The following IMMP2L variants were observed in gnomAD, a reference collection of about 807,000 sequenced individuals.
IMMP2L encodes inner mitochondrial membrane peptidase subunit 2.
A neutral mutation model predicts 19.3 loss-of-function variants in IMMP2L; 18 were observed. The ratio of observed to expected loss-of-function variants is 0.93; its 90% confidence interval spans 0.64 to 1.38. The LOEUF is 1.38. Ranked by LOEUF, IMMP2L falls within the 40% of genes most tolerant of loss-of-function variation. The pLI, the probability that IMMP2L is intolerant of heterozygous loss-of-function variation, is 0.00. For synonymous variants in IMMP2L, 76 were observed against 73.0 expected (o/e 1.04, Z -0.21); for missense variants, 233 against 218.2 (o/e 1.07, Z -0.43).
At chr7:110,994,523 T>A (rs1417326855) in intron 3 of IMMP2L, among the ~76,000 whole-genome samples, 2 of 152,140 alleles carry the variant, frequency 1.3e-5, no homozygotes, top group African/African-American at 4.8e-5. Flanking sequence ...CTCCGCTTCT[T>A]TCTCACTTTC....
At chr7:111,268,587 T>C (rs1409916286) in intron 3 of IMMP2L, among the ~76,000 whole-genome samples, 8 of 45,878 alleles carry the variant, frequency 1.7e-4, no homozygotes, top group African/African-American at 5.3e-4. Flanking sequence ...TTTTTTTTTT[T>C]TTTTTTTTTT....
intron 4 of IMMP2L, among the ~76,000 whole-genome samples, chr7:110,941,469 G>T (rs2129553037): frequency 6.6e-6 from 1 of 152,218 alleles, no homozygotes; most frequent in Admixed American, 6.5e-5. Flanking sequence ...CAGTTATTAA[G>T]TAACGGTTTG....
Position 110,748,863 on chromosome 7 carries a change from C to T in IMMP2L, c.409-85142G>A, listed in dbSNP as rs544927887. On this transcript the variant is annotated intron_variant, in intron 5 of 5. Transcript: ENST00000405709. Reference sequence around the variant, plus strand: ...GGCAAAGACTTCATGACTGAAACACCGAAAGCAATGACATCAAATGGCAAA... The same window carrying T: ...GGCAAAGACTTCATGACTGAAACACTGAAAGCAATGACATCAAATGGCAAA... 2.6e-5 allele frequency among the ~76,000 whole-genome samples: 4 copies of T among 152,220 alleles called. No individual in the cohort carries two copies. The East Asian group carries it at 5.8e-4, about 22-fold the overall frequency.
intron 3 of IMMP2L, among the ~76,000 whole-genome samples, chr7:111,237,135 T>A (rs574210089): frequency 6.6e-6 from 1 of 152,262 alleles, no homozygotes; most frequent in African/African-American, 2.4e-5. Flanking sequence ...GTTGATGGAA[T>A]AAATATTTCC....
In IMMP2L at chr7:110,877,489, A is replaced by C. The variant is rs1809196544; in HGVS notation, c.408+9104T>G. Among the ~76,000 whole-genome samples the C allele has an allele frequency of 6.6e-6, 1 of 152,144 alleles. No individual in the cohort carries two copies. Among genetic ancestry groups the C allele is most frequent in the South Asian group, 2.1e-4 (1 of 4,824 alleles). On this transcript the variant is annotated intron_variant, in intron 5 of 5. Coordinates refer to ENST00000405709, the MANE Select transcript of IMMP2L (RefSeq NM_032549.4). The surrounding 1 kb of genome is among the most constrained non-coding windows in gnomAD (Gnocchi z 4.0). ...GGCACAAGATAATGAAAGGGAGAAA[A>C]AAATGACAGCCTGTGCCAAAATACA...
chr7:110,693,462 T>C (rs1313279342), intron 5 of IMMP2L, among the ~76,000 whole-genome samples: 2 of 152,204 alleles, frequency 1.3e-5, no homozygotes, highest in Non-Finnish European at 2.9e-5. Flanking sequence ...CAATATAGAC[T>C]TATTCATTTG....
At chr7:111,182,660 G>C (rs919360501) in intron 3 of IMMP2L, among the ~76,000 whole-genome samples, 2 of 151,878 alleles carry the variant, frequency 1.3e-5, no homozygotes, top group African/African-American at 4.8e-5. Flanking sequence ...ACGTTTCTCA[G>C]AGAAAATACC....
At chr7:111,052,512 C>T (rs7804649) in intron 3 of IMMP2L, among the ~76,000 whole-genome samples, 116,500 of 152,166 alleles carry the variant, frequency 0.77, 47,560 homozygotes, top group Non-Finnish European at 0.9. Flanking sequence ...TGGAAGCTCC[C>T]CCTTCAATGT....
chr7:111,234,376 A>G (rs1008594994), intron 3 of IMMP2L, among the ~76,000 whole-genome samples: 2 of 152,082 alleles, frequency 1.3e-5, no homozygotes, highest in East Asian at 1.9e-4. Flanking sequence ...CTGTCCATCA[A>G]TTACTAAGAA....
chr7:111,332,172 C>T (rs1008069835), intron 3 of IMMP2L, among the ~76,000 whole-genome samples: 1 of 151,198 alleles, frequency 6.6e-6, no homozygotes, highest in African/African-American at 2.4e-5. Context: ...GGAATAAGGA[C>T]GTTAGTAAAG....
At chr7:110,799,622 C>A (rs774116823) in intron 5 of IMMP2L, among the ~76,000 whole-genome samples, 1 of 151,914 alleles carries the variant, frequency 6.6e-6, no homozygotes, top group Admixed American at 6.6e-5. Flanking sequence ...CACATTTACT[C>A]GAGGAACTAC....
chr7:110,667,726 T>C (rs915379624), intron 5 of IMMP2L, among the ~76,000 whole-genome samples: 2 of 152,208 alleles, frequency 1.3e-5, no homozygotes, highest in African/African-American at 4.8e-5. Flanking sequence ...ATCTTAACTT[T>C]AGCCCAGTGA....
At chr7:110,855,454 G>A (rs1806662646) in intron 5 of IMMP2L, among the ~76,000 whole-genome samples, 1 of 151,942 alleles carries the variant, frequency 6.6e-6, no homozygotes, top group Non-Finnish European at 1.5e-5. Flanking sequence ...TTTGGACCTG[G>A]AGAAGTCATC....
Position 110,761,607 on chromosome 7 carries a change from A to G in IMMP2L, c.409-97886T>C, listed in dbSNP as rs183322825. Among the ~76,000 whole-genome samples the G allele has an allele frequency of 1.6e-3, 242 of 152,290 alleles. 1 individual carries two copies. The highest frequency in any genetic ancestry group is 2.2e-3 in the Non-Finnish European group (147 of 68,026). On this transcript the variant is annotated intron_variant, in intron 5 of 5. Transcript: ENST00000405709. ...ATGAAAATAACCATTTATACTTATC[A>G]GATGCTTACTGTAGGCTGGGAACTT... is the stretch of plus-strand genomic sequence containing the variant.
chr7:110,859,604 A>G (rs1422304783), intron 5 of IMMP2L, among the ~76,000 whole-genome samples: 1 of 151,752 alleles, frequency 6.6e-6, no homozygotes, highest in Non-Finnish European at 1.5e-5. Context: ...ATAGCCAGGC[A>G]TGGTGTTGTG....
At chr7:110,726,922 G>A (rs1479364813) in intron 5 of IMMP2L, among the ~76,000 whole-genome samples, 2 of 152,158 alleles carry the variant, frequency 1.3e-5, no homozygotes, top group African/African-American at 4.8e-5. Flanking sequence ...TCAGAATGGG[G>A]TCACATCTGG....
chr7:110,860,418 T>A (rs1807277525), intron 5 of IMMP2L, among the ~76,000 whole-genome samples: 1 of 152,114 alleles, frequency 6.6e-6, no homozygotes. Context: ...ATGTTGATGG[T>A]AATACCTTTT....
rs1025938412 is a variant in IMMP2L at position 111,429,292 on chromosome 7, C to T, written c.239+57946G>A. ...TATAGGCATCAACACAAAAAAAGGC[C>T]CCTTCTTCTAATCTCCAGAAACAAT... On this transcript the variant is annotated intron_variant, in intron 3 of 5. Transcript: ENST00000405709. Among the ~76,000 whole-genome samples, 6 of 151,728 alleles carry T rather than the reference C, an allele frequency of 4.0e-5. 1 individual carries two copies. The highest frequency in any genetic ancestry group is 1.5e-4 in the African/African-American group (6 of 41,130).
At chr7:110,747,282 C>T (rs557801035) in intron 5 of IMMP2L, among the ~76,000 whole-genome samples, 14 of 152,134 alleles carry the variant, frequency 9.2e-5, no homozygotes, top group East Asian at 3.9e-4. Context: ...AAAAAAAGTC[C>T]GAGAACTGAT....
Sources: gnomAD v4.1 joint callset for allele counts (sites outside exome capture counted in the v4.1 genomes callset) on GRCh38, gnomAD v4.1.1 for gene constraint, Gnocchi (gnomAD v3.1) non-coding constraint, MANE v1.5 for transcripts, NCBI Gene and HGNC (gene_info 2026-07-23, HGNC 2026-07-21) for gene names.